The following GAPDHS variants were observed in gnomAD, a reference collection of about 807,000 sequenced individuals.
GAPDHS encodes the protein glyceraldehyde-3-phosphate dehydrogenase, spermatogenic.
A neutral mutation model predicts 48.7 loss-of-function variants in GAPDHS; 42 were observed. The observed-to-expected ratio is 0.86, with a 90% CI of 0.67 to 1.12. GAPDHS has a LOEUF of 1.12. Among genes scored for constraint, GAPDHS ranks in the 50% most tolerant of loss-of-function variants. The pLI, the probability that GAPDHS is intolerant of heterozygous loss-of-function variation, is 0.00. For synonymous variants in GAPDHS, 166 were observed against 219.1 expected (o/e 0.76, Z 2.14); for missense variants, 512 against 557.7 (o/e 0.92, Z 0.82).
chr19:35,538,184 A>G (rs966635631), intron 2 of GAPDHS, 123 bp from the exon 3 acceptor site: 2 of 659,166 alleles, frequency 3.0e-6, no homozygotes, highest in South Asian at 1.9e-5. Context: ...AGAGATGCCC[A>G]TGGCCAGCAC....
intron 9 of GAPDHS, chr19:35,544,594 A>G: frequency 2.6e-6 from 1 of 390,042 alleles, no homozygotes; most frequent in East Asian, 4.9e-5. Flanking sequence ...ATCTAGACCC[A>G]GGCTCATGGC....
intron 4 of GAPDHS, among the ~76,000 whole-genome samples, chr19:35,539,378 A>G (rs1336195834): frequency 2.0e-5 from 3 of 152,194 alleles, no homozygotes; most frequent in African/African-American, 7.2e-5. Context: ...CGTTCCCATC[A>G]TGGCCTGAAC....
In GAPDHS at chr19:35,543,455, C is replaced by G; in HGVS notation, c.857C>G (p.Ala286Gly). The G allele has an allele frequency of 6.2e-7, 1 of 1,606,258 alleles. No homozygotes were observed. Among genetic ancestry groups the G allele is most frequent in the Non-Finnish European group, 8.5e-7 (1 of 1,177,860 alleles). Residue 286 changes from alanine to glycine, a missense_variant, in exon 8 of 11, where the codon GCG becomes GGG. Coordinates refer to ENST00000222286, the MANE Select transcript of GAPDHS (RefSeq NM_014364.5). ...ATCATCCCAGCCTCCACTGGGGCTG[C>G]GAAAGCTGTGACCAAAGTCATCCCA... ...QNIIPASTGA[A>G]KAVTKVIPEL...
chr19:35,540,974 A>C (rs1054638071), intron 4 of GAPDHS: 6 of 152,084 alleles, frequency 3.9e-5, no homozygotes, highest in Non-Finnish European at 7.4e-5. Context: ...CTAAAAATAC[A>C]AAAAACAACA....
In GAPDHS at chr19:35,536,937, T is replaced by G; in HGVS notation, c.192T>G (p.Thr64=). The change falls in exon 2 of 11, where the codon ACT becomes ACG. Residue 64 remains threonine (T), a synonymous_variant. Coordinates refer to ENST00000222286, the MANE Select transcript of GAPDHS (RefSeq NM_014364.5). ...PPPPLPPHPA[T]PPPKMVSVAR... is the part of the protein sequence containing the mutation. ...CACCACTGCCTCCTCACCCCGCTACTCCTCCTCCTAAGATGGTGTCTGTGG... is the reference window on the plus strand; with the variant it reads ...CACCACTGCCTCCTCACCCCGCTACGCCTCCTCCTAAGATGGTGTCTGTGG... 6.2e-7 allele frequency: 1 copy of G among 1,613,874 alleles called. No homozygotes were observed. Among genetic ancestry groups the G allele is most frequent in the Non-Finnish European group, 8.5e-7 (1 of 1,179,944 alleles).
rs1279682295 is a variant in GAPDHS at position 35,538,364 on chromosome 19, GGT to G, written c.305_306del (p.Val102GlyfsTer4). On this transcript the variant is annotated frameshift_variant, in exon 3 of 11. Coordinates refer to ENST00000222286, the MANE Select transcript of GAPDHS (RefSeq NM_014364.5). LOFTEE classifies it high-confidence loss of function. ...RACMEKGVKV[V>X]AVNDPFIDPE... ...CCTGCATGGAGAAGGGTGTTAAGGT[GGT>G]GGCTGTGAATGATCCATTCATTGAC... is the stretch of plus-strand genomic sequence containing the variant. 1.9e-6 allele frequency: 3 copies of G among 1,613,480 alleles called. No homozygotes were observed. The Admixed American group carries it at 5.0e-5, about 27-fold the overall frequency.
intron 1 of GAPDHS, 124 bp downstream of exon 1, chr19:35,533,718 G>A: frequency 1.5e-6 from 1 of 668,214 alleles, no homozygotes; most frequent in Non-Finnish European, 2.5e-6. Context: ...GGGACCAGGG[G>A]ATCAGCCGCT....
At chr19:35,537,076 C>A in intron 2 of GAPDHS, 86 bp downstream of exon 2, 1 of 1,146,852 alleles carries the variant, frequency 8.7e-7, no homozygotes. Context: ...CTCCACATTT[C>A]CCCCCATCAA....
At chr19:35,538,433 A>G (rs112572815) in intron 3 of GAPDHS, 30 bp downstream of exon 3, 1 of 620,730 alleles carries the variant, frequency 1.6e-6, no homozygotes, top group Non-Finnish European at 3.0e-6. Context: ...CAGGAACAGC[A>G]GGGTGGGACT....
rs963531179 is a variant in GAPDHS, at chr19:35,541,977, G to A, written c.450-342G>A. 13 of 309,200 alleles carry A rather than the reference G, an allele frequency of 4.2e-5. No homozygotes were observed. The East Asian group carries it at 7.8e-4, about 18-fold the overall frequency. 19.2% of individuals were successfully genotyped at this position (309,200 alleles called of 1,614,324 possible). A position where few individuals can be genotyped will look rare whatever the true frequency, so the allele number is the denominator to read the frequency against. On this transcript the variant is annotated intron_variant, in intron 4 of 10. Transcript: ENST00000222286. ...CAGGCCTCACAGTCACAGAGTCCACGTCCCGGGCAGCATATGGAGAAAGGG... is the reference window on the plus strand; with the variant it reads ...CAGGCCTCACAGTCACAGAGTCCACATCCCGGGCAGCATATGGAGAAAGGG...
Position 35,543,655 on chromosome 19 carries a change from G to GA in GAPDHS, c.894-9dup. Reference sequence around the variant, plus strand: ...GTTCTGACTCCTGTTCCTCATGGGGGATTCTCCAGGAAGCTGACAGGGATG... The same window carrying GA: ...GTTCTGACTCCTGTTCCTCATGGGGGAATTCTCCAGGAAGCTGACAGGGATG... On this transcript the variant is annotated splice_polypyrimidine_tract_variant and intron_variant, in intron 8 of 10. Coordinates refer to ENST00000222286, the MANE Select transcript of GAPDHS (RefSeq NM_014364.5). The GA allele has an allele frequency of 6.2e-7, 1 of 1,612,866 alleles. No individual in the cohort carries two copies. The highest frequency in any genetic ancestry group is 8.5e-7 in the Non-Finnish European group (1 of 1,179,318).
Position 35,543,772 on chromosome 19 carries a change from T to TA in GAPDHS, c.1005dup (p.Ala336SerfsTer17). On this transcript the variant is annotated frameshift_variant, in exon 9 of 11. Transcript: ENST00000222286. LOFTEE classifies it high-confidence loss of function. ...CCCTACTCAGCCATCAAGGAGGCTG[T>TA]AAAAGCAGCAGCCAAGGGGCCCATG... 1 of 1,613,724 alleles carries TA rather than the reference T, an allele frequency of 6.2e-7. No homozygotes were observed. Among genetic ancestry groups the TA allele is most frequent in the Non-Finnish European group, 8.5e-7 (1 of 1,179,950 alleles).
intron 2 of GAPDHS, among the ~76,000 whole-genome samples, chr19:35,538,084 T>C (rs535858861): frequency 3.3e-5 from 5 of 151,936 alleles, no homozygotes; most frequent in Admixed American, 1.3e-4. Flanking sequence ...TCAAAATATA[T>C]ATATATATAT....
intron 6 of GAPDHS, 58 bp downstream of exon 6, chr19:35,542,666 C>G: frequency 8.8e-7 from 1 of 1,136,792 alleles, no homozygotes; most frequent in Non-Finnish European, 1.3e-6. Flanking sequence ...TCGTCCTCCC[C>G]ACCCTCAGCC....
intron 1 of GAPDHS, among the ~76,000 whole-genome samples, chr19:35,536,414 A>G (rs1396935179): frequency 1.3e-5 from 2 of 151,970 alleles, no homozygotes; most frequent in Non-Finnish European, 2.9e-5. Context: ...TGTATCTACT[A>G]AAAATACAAA....
At position 35,542,575 on chromosome 19, in the gene GAPDHS, A is replaced by T; in HGVS notation, c.626A>T (p.Asn209Ile). 6.2e-7 allele frequency: 1 copy of T among 1,613,214 alleles called. No homozygotes were observed. The highest frequency in any genetic ancestry group is 8.5e-7 in the Non-Finnish European group (1 of 1,179,220). Residue 209 changes from asparagine (N) to isoleucine (I), a missense_variant, in exon 6 of 11, where the codon AAT (asparagine) becomes ATT (isoleucine). By Grantham distance (149) the Asn-to-Ile change is moderately radical (BLOSUM62 -3). Transcript: ENST00000222286. ...APMFVMGVNENDYNPGSMNIV... is the reference protein window; with the variant it reads ...APMFVMGVNEIDYNPGSMNIV... The stretch of plus-strand genomic sequence containing the variant: ...ATGTTCGTCATGGGTGTCAATGAAA[A>T]TGACTATAACCCTGGCTCCATGAAC...
Position 35,543,669 on chromosome 19 carries a change from C to T in GAPDHS, c.898C>T (p.Leu300=). 6.2e-7 allele frequency: 1 copy of T among 1,613,484 alleles called. No individual in the cohort carries two copies. Among genetic ancestry groups the T allele is most frequent in the South Asian group, 1.1e-5 (1 of 91,000 alleles). ...TKVIPELKGK[L]TGMAFRVPTP... ...TCCTCATGGGGGATTCTCCAGGAAG[C>T]TGACAGGGATGGCGTTCCGGGTACC... is the stretch of plus-strand genomic sequence containing the variant. The change falls in exon 9 of 11, where the codon CTG becomes TTG. Residue 300 remains leucine (L), a synonymous_variant. Transcript: ENST00000222286.
chr19:35,541,577 T>C (rs908999163), intron 4 of GAPDHS: 1 of 151,128 alleles, frequency 6.6e-6, no homozygotes, highest in Admixed American at 6.6e-5. Context: ...CGGTTACTCA[T>C]GATAAACCTG....
chr19:35,538,424 A>C, intron 3 of GAPDHS, 21 bp downstream of exon 3: 3 of 912,802 alleles, frequency 3.3e-6, no homozygotes, highest in Non-Finnish European at 5.2e-6. Flanking sequence ...GGCAGAGGGC[A>C]GGAACAGCAG....
Sources: allele counts gnomAD v4.1 joint callset (sites outside exome capture counted in the v4.1 genomes callset), GRCh38; gene constraint gnomAD v4.1.1; transcripts MANE v1.5; gene names NCBI Gene and HGNC (gene_info 2026-07-23, HGNC 2026-07-21).